Variants in FRAS1 observed in about 807,000 individuals in gnomAD.
FRAS1 encodes extracellular matrix organizing protein FRAS1.
Under a neutral mutation model 435.2 loss-of-function variants are expected in FRAS1, and 290 were observed. That is an observed-to-expected ratio of 0.67 (90% CI 0.61 to 0.73). FRAS1 has a LOEUF of 0.73. FRAS1 is among the 30% of genes least tolerant of loss of function. The probability of loss-of-function intolerance (pLI) is 0.00; values close to 1 mark genes in which losing one functional copy is unlikely to be tolerated. For synonymous variants in FRAS1, 1,800 were observed against 1,851.0 expected, an observed-to-expected ratio of 0.97 and a Z score of 0.71; for missense variants, 4,860 against 5,001.5, an observed-to-expected ratio of 0.97 and a Z score of 0.85.
Position 78,496,832 on chromosome 4 carries a change from G to A in FRAS1, c.8986G>A (p.Asp2996Asn). The A allele has an allele frequency of 6.2e-7, 1 of 1,613,688 alleles. No individual in the cohort carries two copies. The highest frequency in any genetic ancestry group is 1.1e-5 in the South Asian group (1 of 91,028). The change falls in exon 60 of 74, where the codon GAT (aspartate) becomes AAT (asparagine). Residue 2996 changes from aspartate to asparagine, a missense_variant. Transcript: ENST00000512123. ...KVKNCTVYIH[D>N]DSMFEPEEQF... Reference sequence around the variant, plus strand: ...GAAGAACTGTACGGTCTATATCCACGATGACTCCATGTTTGAGCCAGAGGA... The same window carrying A: ...GAAGAACTGTACGGTCTATATCCACAATGACTCCATGTTTGAGCCAGAGGA...
chr4:78,211,488 C>T (rs560119524), intron 2 of FRAS1, among the ~76,000 whole-genome samples: 1 of 152,250 alleles, frequency 6.6e-6, no homozygotes, highest in South Asian at 2.1e-4. Flanking sequence ...TAACACAGAT[C>T]CATGGAGAAG....
chr4:78,346,117 A>T (rs1022992522), intron 20 of FRAS1, among the ~76,000 whole-genome samples: 1 of 152,222 alleles, frequency 6.6e-6, no homozygotes, highest in Non-Finnish European at 1.5e-5. Context: ...TTCAGTACTG[A>T]AGGTAGCAAA....
intron 18 of FRAS1, among the ~76,000 whole-genome samples, chr4:78,327,874 T>A (rs1729780700): frequency 6.6e-6 from 1 of 152,204 alleles, no homozygotes; most frequent in Admixed American, 6.5e-5. Context: ...TTCATGACTT[T>A]TTTTTAAAGG....
At chr4:78,391,989 TG>T (rs35014558) in intron 29 of FRAS1, among the ~76,000 whole-genome samples, 21,153 of 152,134 alleles carry the variant, frequency 0.14, 1,856 homozygotes, top group African/African-American at 0.25. Flanking sequence ...TTTCACCTTT[TG>T]GGGGGGTTTG....
intron 2 of FRAS1, among the ~76,000 whole-genome samples, chr4:78,115,076 A>C (rs1000087164): frequency 2.0e-5 from 3 of 152,000 alleles, no homozygotes; most frequent in Non-Finnish European, 4.4e-5. Flanking sequence ...TTTCTGCACT[A>C]TTGAGATAAT....
intron 38 of FRAS1, among the ~76,000 whole-genome samples, chr4:78,434,727 A>G (rs1003715602): frequency 2.0e-5 from 3 of 152,154 alleles, no homozygotes; most frequent in South Asian, 2.1e-4. Context: ...TAGCATTTCT[A>G]TATATAAGCA....
intron 2 of FRAS1, among the ~76,000 whole-genome samples, chr4:78,149,227 G>A (rs1720544618): frequency 6.6e-6 from 1 of 152,280 alleles, no homozygotes; most frequent in Admixed American, 6.5e-5. Context: ...TAGACCCAGG[G>A]CCTGAGCATT....
intron 57 of FRAS1, among the ~76,000 whole-genome samples, 190 bp from the exon 58 acceptor site, chr4:78,482,198 T>C (rs1268092963): frequency 6.6e-6 from 1 of 152,202 alleles, no homozygotes; most frequent in Non-Finnish European, 1.5e-5. Flanking sequence ...ATATAAACTA[T>C]ACTCATTTGA....
intron 2 of FRAS1, among the ~76,000 whole-genome samples, chr4:78,191,740 G>A (rs1722545093): frequency 6.6e-6 from 1 of 151,142 alleles, no homozygotes; most frequent in Non-Finnish European, 1.5e-5. Flanking sequence ...CCCTTCCTGT[G>A]TCCATGTGTT....
At chr4:78,512,626 T>G (rs1286620890) in intron 64 of FRAS1, among the ~76,000 whole-genome samples, 1 of 152,190 alleles carries the variant, frequency 6.6e-6, no homozygotes, top group Non-Finnish European at 1.5e-5. Context: ...ACAAAAGAAG[T>G]GAAGGAAATA....
At chr4:78,294,734 G>A (rs1372500353) in intron 14 of FRAS1, among the ~76,000 whole-genome samples, 30 of 152,036 alleles carry the variant, frequency 2.0e-4, no homozygotes, top group Non-Finnish European at 2.9e-5. Flanking sequence ...ATGGTTAATA[G>A]GTTAACAAGT....
At chr4:78,416,353 A>G (rs1413919516) in intron 32 of FRAS1, among the ~76,000 whole-genome samples, 1 of 152,122 alleles carries the variant, frequency 6.6e-6, no homozygotes, top group Non-Finnish European at 1.5e-5. Context: ...TCAGCTTTGC[A>G]AGGTGGGAGA....
In FRAS1 at chr4:78,337,779, G is replaced by A; in HGVS notation, c.2384G>A (p.Arg795Lys). The change falls in exon 20 of 74, where the codon AGG becomes AAG. Residue 795 changes from arginine to lysine, a missense_variant. By Grantham distance (26) the Arg-to-Lys change is conservative (BLOSUM62 2). Transcript: ENST00000512123. ...LTNGNCRTSCREEQFLNLVGY... is the reference protein window; with the variant it reads ...LTNGNCRTSCKEEQFLNLVGY... ...AATGGTAACTGCAGGACCAGCTGCA[G>A]GGAAGAGCAGTTCCTCAACCTCGTG... The A allele has an allele frequency of 6.2e-7, 1 of 1,613,954 alleles. No homozygotes were observed. The highest frequency in any genetic ancestry group is 8.5e-7 in the Non-Finnish European group (1 of 1,179,872).
chr4:78,111,543 A>G (rs2109937659), intron 2 of FRAS1, among the ~76,000 whole-genome samples: 1 of 82,392 alleles, frequency 1.2e-5, no homozygotes, highest in Non-Finnish European at 2.4e-5. Flanking sequence ...ATAGGTGGGA[A>G]TTGAACAATG....
intron 2 of FRAS1, among the ~76,000 whole-genome samples, chr4:78,132,765 G>A (rs1719740003): frequency 6.6e-6 from 1 of 152,196 alleles, no homozygotes; most frequent in Non-Finnish European, 1.5e-5. Context: ...ACCCTGAAAA[G>A]TTTGTAGAGG....
At chr4:78,373,993 C>A in intron 24 of FRAS1, 118 bp from the exon 25 acceptor site, 1 of 911,766 alleles carries the variant, frequency 1.1e-6, no homozygotes, top group South Asian at 3.1e-5. Context: ...TTCATATGGT[C>A]CTTTGCCCAG....
chr4:78,135,912 G>A (rs1719898868), intron 2 of FRAS1, among the ~76,000 whole-genome samples: 1 of 152,146 alleles, frequency 6.6e-6, no homozygotes, highest in Admixed American at 6.5e-5. Flanking sequence ...GCTCCTAAGG[G>A]AAATATAAGT....
intron 22 of FRAS1, among the ~76,000 whole-genome samples, chr4:78,364,645 G>A (rs1028189277): frequency 2.0e-5 from 3 of 152,142 alleles, no homozygotes; most frequent in African/African-American, 7.2e-5. Context: ...GGCACAAAGG[G>A]TTAGGATAAA....
intron 58 of FRAS1, 24 bp downstream of exon 58, chr4:78,482,559 G>C: frequency 6.2e-7 from 1 of 1,606,234 alleles, no homozygotes; most frequent in Non-Finnish European, 8.5e-7. Context: ...GATGCCAGCT[G>C]GTAGGTCCAA....
Sources: gnomAD v4.1 joint callset for allele counts (sites outside exome capture counted in the v4.1 genomes callset) on GRCh38, gnomAD v4.1.1 for gene constraint, MANE v1.5 for transcripts, NCBI Gene and HGNC (gene_info 2026-07-23, HGNC 2026-07-21) for gene names.